Variants in FSTL5 observed in about 807,000 individuals in gnomAD.
The protein encoded by FSTL5 is follistatin-related protein 5.
In FSTL5, 62 loss-of-function variants were observed where a neutral mutation model predicts 89.1. The ratio of observed to expected loss-of-function variants is 0.70; its 90% confidence interval spans 0.57 to 0.86. The LOEUF is 0.86. Among genes scored for constraint, FSTL5 ranks in the 40% least tolerant of loss-of-function variants. The pLI is 0.00. For missense variants in FSTL5, 1,057 were observed against 1,001.6 expected (o/e 1.06, Z -0.75); for synonymous variants, 383 against 346.2 (o/e 1.11, Z -1.18).
chr4:161,416,607 G>C (rs1731791938), intron 15 of FSTL5, among the ~76,000 whole-genome samples: 1 of 152,114 alleles, frequency 6.6e-6, no homozygotes, highest in African/African-American at 2.4e-5. Flanking sequence ...CACTTTGGGA[G>C]GCCCAGGTGG....
At chr4:161,831,456 T>G (rs1730841972) in intron 4 of FSTL5, among the ~76,000 whole-genome samples, 1 of 151,844 alleles carries the variant, frequency 6.6e-6, no homozygotes, top group Non-Finnish European at 1.5e-5. Flanking sequence ...GAGGAGGCAG[T>G]AATACAAAAC....
intron 13 of FSTL5, among the ~76,000 whole-genome samples, chr4:161,472,239 AG>A (rs1733971238): frequency 6.6e-6 from 1 of 152,138 alleles, no homozygotes; most frequent in Non-Finnish European, 1.5e-5. Flanking sequence ...GGCCTCCCAA[AG>A]TGCTGGAATT....
Position 161,615,293 on chromosome 4 carries a change from C to CAAAAAAAAAAAAAAAAAAA in FSTL5, c.895-27737_895-27719dup, listed in dbSNP as rs1203046031. Reference sequence around the variant, plus strand: ...TGGGCAACAGAGGGAGACTCTGTCTCAAAAAAAAAAAAAAAAAAAAAAATT... The same window carrying CAAAAAAAAAAAAAAAAAAA: ...TGGGCAACAGAGGGAGACTCTGTCTCAAAAAAAAAAAAAAAAAAAAAAAAAAAAAAAAAAAAAAAAAATT... On this transcript the variant is annotated intron_variant, in intron 7 of 15. Coordinates refer to ENST00000306100, the MANE Select transcript of FSTL5 (RefSeq NM_020116.5). 6.1e-4 allele frequency among the ~76,000 whole-genome samples: 16 copies of CAAAAAAAAAAAAAAAAAAA among 26,414 alleles called. 1 individual carries two copies. The highest frequency in any genetic ancestry group is 1.6e-3 in the Admixed American group (3 of 1,882). 17.3% of individuals were successfully genotyped at this position (26,414 alleles called of 152,430 possible).
intron 7 of FSTL5, among the ~76,000 whole-genome samples, chr4:161,631,140 A>C (rs1386512382): frequency 6.6e-6 from 1 of 152,150 alleles, no homozygotes; most frequent in Admixed American, 6.6e-5. Flanking sequence ...CCACTACAGC[A>C]ATGTAATTGT....
intron 7 of FSTL5, among the ~76,000 whole-genome samples, chr4:161,589,199 G>A (rs1398720819): frequency 6.6e-6 from 1 of 151,266 alleles, no homozygotes; most frequent in African/African-American, 2.4e-5. Flanking sequence ...TTGAGATGGA[G>A]TTTCACTCTT....
intron 3 of FSTL5, among the ~76,000 whole-genome samples, chr4:162,008,129 T>C (rs1170705742): frequency 6.6e-6 from 1 of 151,902 alleles, no homozygotes; most frequent in East Asian, 1.9e-4. Context: ...GGAAAGTTGC[T>C]ATATGTATAT....
chr4:161,976,504 C>T (rs1044682503), intron 3 of FSTL5, among the ~76,000 whole-genome samples: 4 of 152,016 alleles, frequency 2.6e-5, no homozygotes, highest in African/African-American at 7.2e-5. Context: ...GTTGCTGAGT[C>T]GGAGTCTTGC....
chr4:161,878,151 G>T (rs951164412), intron 4 of FSTL5, among the ~76,000 whole-genome samples: 4 of 151,948 alleles, frequency 2.6e-5, no homozygotes, highest in Admixed American at 2.0e-4. Context: ...GTAACATCTG[G>T]AATATTACTT....
At chr4:162,061,768 G>T (rs1276197442) in intron 2 of FSTL5, among the ~76,000 whole-genome samples, 23 of 152,126 alleles carry the variant, frequency 1.5e-4, no homozygotes, top group Non-Finnish European at 1.5e-5. Flanking sequence ...ACCTGAAGAT[G>T]ATTCATGCTT....
At position 161,413,722 on chromosome 4, in the gene FSTL5, C is replaced by T. The variant is rs1377541786; in HGVS notation, c.1842-27273G>A. Among the ~76,000 whole-genome samples, 4 of 152,140 alleles carry T rather than the reference C, an allele frequency of 2.6e-5. No homozygotes were observed. In the South Asian group the frequency reaches 8.3e-4, roughly 32 times the overall value. On this transcript the variant is annotated intron_variant, in intron 15 of 15. Transcript: ENST00000306100. ...ATAAATTAAACGTGGTAAATACGAA[C>T]CATGGAATACTACATAGACATAAAA...
At chr4:162,050,785 A>C (rs1484586200) in intron 2 of FSTL5, among the ~76,000 whole-genome samples, 4 of 151,414 alleles carry the variant, frequency 2.6e-5, no homozygotes, top group Non-Finnish European at 5.9e-5. Context: ...ATTTTATCTA[A>C]AACTTTGTCC....
Position 161,996,890 on chromosome 4 carries a change from G to A in FSTL5, c.160+36735C>T, listed in dbSNP as rs1398438937. Among the ~76,000 whole-genome samples the A allele has an allele frequency of 9.2e-5, 14 of 152,192 alleles. No homozygotes were observed. In the East Asian group the frequency reaches 1.4e-3, roughly 15 times the overall value. On this transcript the variant is annotated intron_variant, in intron 3 of 15. Transcript: ENST00000306100. ...TTAAAGCTGCAAAACTCATTCTCTC[G>A]GGATAGATGTTATGACAGGGAAATC...
At chr4:161,551,464 A>T (rs1732209890) in intron 8 of FSTL5, among the ~76,000 whole-genome samples, 1 of 151,616 alleles carries the variant, frequency 6.6e-6, no homozygotes, top group South Asian at 2.1e-4. Flanking sequence ...GTTTGAGTTC[A>T]TTGTAGATTC....
intron 2 of FSTL5, among the ~76,000 whole-genome samples, chr4:162,054,563 G>A (rs1400286659): frequency 2.0e-5 from 3 of 151,748 alleles, no homozygotes; most frequent in Admixed American, 6.6e-5. Flanking sequence ...AAATGTAAGA[G>A]CAAGTAAAAA....
chr4:162,066,294 C>CTT, intron 2 of FSTL5, among the ~76,000 whole-genome samples: 1 of 97,540 alleles, frequency 1.0e-5, no homozygotes, highest in Admixed American at 1.1e-4. Flanking sequence ...CCTCCTCCTC[C>CTT]TACTTTTCTT....
chr4:162,022,466 C>T (rs376481719), intron 3 of FSTL5, among the ~76,000 whole-genome samples: 21 of 151,996 alleles, frequency 1.4e-4, no homozygotes, highest in East Asian at 7.7e-4. Context: ...TAATGTTCTA[C>T]GCTGTCCATG....
rs73859601 is a variant in FSTL5, at chr4:161,570,688, T to A, written c.1015+16767A>T. Among the ~76,000 whole-genome samples, 1,383 of 152,330 alleles carry A rather than the reference T, an allele frequency of 9.1e-3. 18 individuals are homozygous for A. The highest frequency in any genetic ancestry group is 0.03 in the African/African-American group (1,256 of 41,588). The stretch of plus-strand genomic sequence containing the variant: ...GTGTTTACAAACATCGTAGATAAAA[T>A]TGTGTAAGAAAGACAAAGAACACTA... On this transcript the variant is annotated intron_variant, in intron 8 of 15. Transcript: ENST00000306100.
At chr4:161,454,726 A>G (rs1377898424) in intron 15 of FSTL5, among the ~76,000 whole-genome samples, 1 of 152,192 alleles carries the variant, frequency 6.6e-6, no homozygotes, top group African/African-American at 2.4e-5. Context: ...AAAAATCTTA[A>G]TGACAATTTG....
intron 7 of FSTL5, among the ~76,000 whole-genome samples, chr4:161,588,057 C>G (rs1228799171): frequency 1.3e-5 from 2 of 152,022 alleles, no homozygotes; most frequent in African/African-American, 4.8e-5. Flanking sequence ...ACCTGTAGTC[C>G]CAGTTACTCC....
Sources: allele counts gnomAD v4.1 joint callset (sites outside exome capture counted in the v4.1 genomes callset), GRCh38; gene constraint gnomAD v4.1.1; transcripts MANE v1.5; gene names NCBI Gene and HGNC (gene_info 2026-07-23, HGNC 2026-07-21).